Variants in ABLIM1 observed in about 807,000 individuals in gnomAD.
ABLIM1 encodes the protein actin binding LIM protein 1.
A neutral mutation model predicts 107.0 loss-of-function variants in ABLIM1; 40 were observed. The observed-to-expected ratio is 0.37, with a 90% CI of 0.29 to 0.49. ABLIM1 has a LOEUF of 0.49. Among genes scored for constraint, ABLIM1 ranks in the 20% least tolerant of loss-of-function variants. The pLI is 0.97. For synonymous variants in ABLIM1, 357 were observed against 357.3 expected, an observed-to-expected ratio of 1.00 and a Z score of 0.01; for missense variants, 857 against 1,008.5, an observed-to-expected ratio of 0.85 and a Z score of 2.04.
intron 9 of ABLIM1, 34 bp from the exon 10 acceptor site, chr10:114,473,166 G>T: frequency 6.3e-7 from 1 of 1,583,488 alleles, no homozygotes; most frequent in Non-Finnish European, 8.6e-7. Context: ...CAATTACCTT[G>T]TAGTCTGACT....
intron 8 of ABLIM1, among the ~76,000 whole-genome samples, chr10:114,486,633 G>A (rs902136206): frequency 6.6e-6 from 1 of 152,150 alleles, no homozygotes; most frequent in African/African-American, 2.4e-5. Flanking sequence ...AAAACAGAGC[G>A]CAAAACCACC....
chr10:114,580,322 C>T (rs1358488637), intron 2 of ABLIM1, among the ~76,000 whole-genome samples: 1 of 151,900 alleles, frequency 6.6e-6, no homozygotes, highest in Non-Finnish European at 1.5e-5. Context: ...ACCTCCTGCC[C>T]TAGCCTCCCA....
chr10:114,447,121 T>C (rs1221018942), intron 15 of ABLIM1, among the ~76,000 whole-genome samples: 3 of 152,232 alleles, frequency 2.0e-5, no homozygotes, highest in Admixed American at 1.3e-4. Context: ...ATCGTGTCTT[T>C]GTAAAGCTGA....
intron 1 of ABLIM1, among the ~76,000 whole-genome samples, chr10:114,763,323 A>G (rs545063123): frequency 1.3e-5 from 2 of 152,108 alleles, no homozygotes; most frequent in African/African-American, 4.8e-5. Flanking sequence ...GAATTTAAAC[A>G]TACTGTATTA....
chr10:114,463,389 C>T (rs776608383), intron 12 of ABLIM1, among the ~76,000 whole-genome samples: 75 of 152,130 alleles, frequency 4.9e-4, no homozygotes, highest in Admixed American at 1.7e-3. Context: ...TACAGAGTCA[C>T]TCTCTGAGAA....
At chr10:114,578,468 A>C (rs2072913911) in intron 2 of ABLIM1, among the ~76,000 whole-genome samples, 1 of 148,842 alleles carries the variant, frequency 6.7e-6, no homozygotes, top group Admixed American at 6.8e-5. Context: ...GTGCAATGGC[A>C]TGAATTCGGC....
intron 1 of ABLIM1, among the ~76,000 whole-genome samples, chr10:114,677,372 G>A (rs1380388112): frequency 6.6e-6 from 1 of 152,196 alleles, no homozygotes; most frequent in African/African-American, 2.4e-5. Flanking sequence ...TAAAGCCTGA[G>A]AAAAATATTG....
chr10:114,473,449 C>A (rs1357161402), intron 9 of ABLIM1, among the ~76,000 whole-genome samples: 1 of 152,104 alleles, frequency 6.6e-6, no homozygotes, highest in Non-Finnish European at 1.5e-5. Context: ...GTCCAATAAT[C>A]CTCTCAGATG....
chr10:114,600,780 T>C (rs1223105304), intron 2 of ABLIM1, among the ~76,000 whole-genome samples: 1 of 152,148 alleles, frequency 6.6e-6, no homozygotes, highest in East Asian at 1.9e-4. Context: ...GAACCCCATC[T>C]TGAGCTACCC....
chr10:114,479,124 T>C (rs757040700), intron 8 of ABLIM1, among the ~76,000 whole-genome samples: 7 of 152,192 alleles, frequency 4.6e-5, no homozygotes, highest in Non-Finnish European at 1.0e-4. Context: ...TTCAACTTCT[T>C]CATGTACAGA....
intron 1 of ABLIM1, among the ~76,000 whole-genome samples, chr10:114,750,613 A>G (rs181201568): frequency 6.3e-4 from 96 of 152,356 alleles, no homozygotes; most frequent in African/African-American, 2.0e-3. Flanking sequence ...ACAATTCCCT[A>G]TAAAACATCT....
intron 4 of ABLIM1, among the ~76,000 whole-genome samples, chr10:114,550,138 C>T (rs1267505621): frequency 6.6e-6 from 1 of 151,954 alleles, no homozygotes; most frequent in African/African-American, 2.4e-5. Flanking sequence ...ATCTAGTACA[C>T]ATATGAGTGT....
At chr10:114,574,633 G>A (rs1454924048) in intron 3 of ABLIM1, among the ~76,000 whole-genome samples, 1 of 151,942 alleles carries the variant, frequency 6.6e-6, no homozygotes, top group Non-Finnish European at 1.5e-5. Context: ...GTAGAGACAG[G>A]GTTTCACCAT....
At chr10:114,583,317 A>G (rs12357781) in intron 2 of ABLIM1, among the ~76,000 whole-genome samples, 57,357 of 148,482 alleles carry the variant, frequency 0.39, 12,993 homozygotes, top group Non-Finnish European at 0.51. Flanking sequence ...ATATCACATC[A>G]GTCCAAACGG....
chr10:114,599,088 A>C (rs1020774628), intron 2 of ABLIM1, among the ~76,000 whole-genome samples: 1 of 152,240 alleles, frequency 6.6e-6, no homozygotes, highest in Non-Finnish European at 1.5e-5. Context: ...GTGTGATTCC[A>C]GAATGTTGGG....
chr10:114,696,869 A>G (rs1265476265), intron 1 of ABLIM1, among the ~76,000 whole-genome samples: 2 of 152,192 alleles, frequency 1.3e-5, no homozygotes, highest in African/African-American at 4.8e-5. Flanking sequence ...ACCTCTTTAT[A>G]GAGCCTGTCT....
chr10:114,596,625 CACCAATCCCT>C (rs747647441), intron 2 of ABLIM1, among the ~76,000 whole-genome samples: 53 of 152,202 alleles, frequency 3.5e-4, no homozygotes, highest in Non-Finnish European at 6.0e-4. Context: ...AATTTCTGCT[CACCAATCCCT>C]ACCTTGTCAC....
chr10:114,513,707 C>G (rs966631149), intron 6 of ABLIM1, among the ~76,000 whole-genome samples: 4 of 152,152 alleles, frequency 2.6e-5, no homozygotes, highest in Non-Finnish European at 5.9e-5. Flanking sequence ...AAAGAACCAC[C>G]AAATGAATTC....
At chr10:114,491,012 G>GTGTGTGTGTGTGTGTGTGTGTATA in intron 7 of ABLIM1, among the ~76,000 whole-genome samples, 1 of 92,396 alleles carries the variant, frequency 1.1e-5, no homozygotes, top group Non-Finnish European at 2.0e-5. Flanking sequence ...GTGTGTGTGT[G>GTGTGTGTGTGTGTGTGTGTGTATA]TATATATATA....
Sources: allele counts gnomAD v4.1 joint callset (sites outside exome capture counted in the v4.1 genomes callset), GRCh38; gene constraint gnomAD v4.1.1; transcripts MANE v1.5; gene names NCBI Gene and HGNC (gene_info 2026-07-23, HGNC 2026-07-21).